The following MFSD6 variants were observed in gnomAD, a reference collection of about 807,000 sequenced individuals.
MFSD6 encodes major facilitator superfamily domain containing 6.
In MFSD6, 26 loss-of-function variants were observed where a neutral mutation model predicts 56.3. That is an observed-to-expected ratio of 0.46 (90% CI 0.34 to 0.64). The LOEUF (loss-of-function observed/expected upper bound fraction) is 0.64, where lower values mean the gene tolerates loss of function less well. Among genes scored for constraint, MFSD6 ranks in the 30% least tolerant of loss-of-function variants. The pLI is 0.01. For synonymous variants in MFSD6, 331 were observed against 366.9 expected, an observed-to-expected ratio of 0.90 and a Z score of 1.12; for missense variants, 750 against 986.2, an observed-to-expected ratio of 0.76 and a Z score of 3.21.
chr2:190,494,354 T>TA lies in MFSD6; in HGVS notation c.1892-3078dup, dbSNP rs986235838. 6.6e-6 allele frequency among the ~76,000 whole-genome samples: 1 copy of TA among 151,810 alleles called. No homozygotes were observed. Among genetic ancestry groups the TA allele is most frequent in the South Asian group, 2.1e-4 (1 of 4,814 alleles). ...CTAAGTAGTGAGACTGAATCAGTAA[T>TA]AAAAAAATTGCCAACAAAAAAAAGT... On this transcript the variant is annotated intron_variant, in intron 6 of 7. Coordinates refer to ENST00000392328, the MANE Select transcript of MFSD6 (RefSeq NM_017694.4). This position sits in a 1 kb window ranked among gnomAD's most constrained non-coding sequence, Gnocchi z 5.7.
At chr2:190,414,581 C>A (rs569914602) in intron 1 of MFSD6, among the ~76,000 whole-genome samples, 4 of 152,284 alleles carry the variant, frequency 2.6e-5, no homozygotes, top group Admixed American at 2.6e-4. Flanking sequence ...CAGTCCCTTT[C>A]AATTCCGTAT....
chr2:190,465,069 T>G lies in MFSD6; in HGVS notation c.1533-4689T>G, dbSNP rs1240790103. 1 of 245,456 alleles carries G rather than the reference T, an allele frequency of 4.1e-6. No homozygotes were observed. Among genetic ancestry groups the G allele is most frequent in the Non-Finnish European group, 6.5e-6 (1 of 153,048 alleles). The allele number at this position is 245,456 out of a possible 1,614,324, so 15.2% of individuals were successfully genotyped here. Reference sequence around the variant, plus strand: ...AAAAAATACCAGTTTTATTATAAGATAACCACAAATCAGCTTAAACTGCTA... The same window carrying G: ...AAAAAATACCAGTTTTATTATAAGAGAACCACAAATCAGCTTAAACTGCTA... On this transcript the variant is annotated intron_variant, in intron 3 of 7. Transcript: ENST00000392328. The surrounding 1 kb of genome is among the most constrained non-coding windows in gnomAD (Gnocchi z 4.6).
At chr2:190,455,452 G>A (rs62181016) in intron 3 of MFSD6, among the ~76,000 whole-genome samples, 15,018 of 152,158 alleles carry the variant, frequency 0.099, 1,039 homozygotes, top group Non-Finnish European at 0.16. Flanking sequence ...AGGCTCTGCT[G>A]GCCATGGGAA....
In MFSD6 at chr2:190,437,104, GGGT is replaced by G. The variant is rs1180037799; in HGVS notation, c.1077_1079del (p.Cys360del). On this transcript the variant is annotated inframe_deletion, in exon 3 of 8. Coordinates refer to ENST00000392328, the MANE Select transcript of MFSD6 (RefSeq NM_017694.4). This position sits in a 1 kb window ranked among gnomAD's most constrained non-coding sequence, Gnocchi z 5.9. ...CATCGAAGTGCTCATCGATGGAAAGGGGTGTAAGCCCCCCGAGTACAGGAATTA... is the reference window on the plus strand; with the variant it reads ...CATCGAAGTGCTCATCGATGGAAAGGGTAAGCCCCCCGAGTACAGGAATTA... 6.2e-7 allele frequency: 1 copy of G among 1,614,118 alleles called. No homozygotes were observed. The highest frequency in any genetic ancestry group is 8.5e-7 in the Non-Finnish European group (1 of 1,180,060).
In MFSD6 at chr2:190,497,363, TA is replaced by T. The variant is rs1313927520; in HGVS notation, c.1892-75del. 1 of 1,505,676 alleles carries T rather than the reference TA, an allele frequency of 6.6e-7. No individual in the cohort carries two copies. The highest frequency in any genetic ancestry group is 1.4e-5 in the African/African-American group (1 of 71,826). The allele number at this position is 1,505,676 out of a possible 1,614,324, so 93.3% of individuals were successfully genotyped here. Reference sequence around the variant, plus strand: ...GAATGGGTATATGGGATTCTTGGTTTATTTATTTATTTTTACCTTTGTTCAA... The same window carrying T: ...GAATGGGTATATGGGATTCTTGGTTTTTTATTTATTTTTACCTTTGTTCAA... On this transcript the variant is annotated intron_variant, in intron 6 of 7. Transcript: ENST00000392328. This position sits in a 1 kb window ranked among gnomAD's most constrained non-coding sequence, Gnocchi z 5.2.
At chr2:190,484,354 A>C (rs1037689604) in intron 4 of MFSD6, among the ~76,000 whole-genome samples, 8 of 152,236 alleles carry the variant, frequency 5.3e-5, no homozygotes, top group Admixed American at 2.0e-4. Context: ...TTATTTCATC[A>C]CATAAAGAAT....
In MFSD6 at chr2:190,431,486, C is replaced by G. The variant is rs183026591; in HGVS notation, c.-53-4491C>G. Among the ~76,000 whole-genome samples, 1 of 152,212 alleles carries G rather than the reference C, an allele frequency of 6.6e-6. No homozygotes were observed. Among genetic ancestry groups the G allele is most frequent in the Non-Finnish European group, 1.5e-5 (1 of 68,026 alleles). On this transcript the variant is annotated intron_variant, in intron 2 of 7. Coordinates refer to ENST00000392328, the MANE Select transcript of MFSD6 (RefSeq NM_017694.4). This position sits in a 1 kb window ranked among gnomAD's most constrained non-coding sequence, Gnocchi z 4.4. The stretch of plus-strand genomic sequence containing the variant: ...TGGAGGCCGAGGCTGGCGGATCACT[C>G]GCGATTAGGAGCTGGAGACTAGCCC...
intron 2 of MFSD6, among the ~76,000 whole-genome samples, chr2:190,420,983 A>G (rs1320733420): frequency 1.3e-5 from 2 of 152,218 alleles, no homozygotes; most frequent in African/African-American, 4.8e-5. Context: ...TGATACTGTG[A>G]GAACTACTTA....
chr2:190,455,309 GT>G (rs1165840398), intron 3 of MFSD6, among the ~76,000 whole-genome samples: 2 of 151,986 alleles, frequency 1.3e-5, no homozygotes, highest in Non-Finnish European at 2.9e-5. Context: ...GAAATCTAAC[GT>G]TTTAAGTATA....
At chr2:190,453,720 A>C (rs1686868724) in intron 3 of MFSD6, among the ~76,000 whole-genome samples, 1 of 152,156 alleles carries the variant, frequency 6.6e-6, no homozygotes, top group South Asian at 2.1e-4. Flanking sequence ...TAGACCCTCC[A>C]TTTTCCCTTT....
Position 190,417,863 on chromosome 2 carries a change from G to A in MFSD6, c.-54+2450G>A, listed in dbSNP as rs1329683595. The stretch of plus-strand genomic sequence containing the variant: ...TATGGACACCCTACTTGGAACTCCA[G>A]AAGCATGCCTATTGTCCCTAATATC... On this transcript the variant is annotated intron_variant, in intron 2 of 7. Transcript: ENST00000392328. The surrounding 1 kb of genome is among the most constrained non-coding windows in gnomAD (Gnocchi z 5.7). Among the ~76,000 whole-genome samples the A allele has an allele frequency of 1.3e-5, 2 of 152,050 alleles. No homozygotes were observed. Among genetic ancestry groups the A allele is most frequent in the Non-Finnish European group, 2.9e-5 (2 of 68,030 alleles).
At chr2:190,449,892 T>A (rs1054153041) in intron 3 of MFSD6, among the ~76,000 whole-genome samples, 70 of 152,084 alleles carry the variant, frequency 4.6e-4, no homozygotes, top group African/African-American at 5.1e-4. Flanking sequence ...GAGGAATAGC[T>A]TTAGGAGATA....
At position 190,463,857 on chromosome 2, in the gene MFSD6, G is replaced by C; in HGVS notation, c.1533-5901G>C. The stretch of plus-strand genomic sequence containing the variant: ...ATAAATAAAATAAAAATAAAAAGCT[G>C]AGAATGATGGAGCCCAATCTAAGGG... On this transcript the variant is annotated intron_variant, in intron 3 of 7. Transcript: ENST00000392328. The surrounding 1 kb of genome is among the most constrained non-coding windows in gnomAD (Gnocchi z 4.4). 1.0e-6 allele frequency: 1 copy of C among 979,974 alleles called. No homozygotes were observed. Among genetic ancestry groups the C allele is most frequent in the Non-Finnish European group, 1.2e-6 (1 of 825,140 alleles). The allele number at this position is 979,974 out of a possible 1,614,324, so 60.7% of individuals were successfully genotyped here.
At position 190,471,859 on chromosome 2, in the gene MFSD6, A is replaced by C. The variant is rs913609568; in HGVS notation, c.1630+2004A>C. ...ACCCCCCAGTAGGGGCAGACTGATAACTCATACGGCCGGGTACCCCTCTGA... is the reference window on the plus strand; with the variant it reads ...ACCCCCCAGTAGGGGCAGACTGATACCTCATACGGCCGGGTACCCCTCTGA... On this transcript the variant is annotated intron_variant, in intron 4 of 7. Coordinates refer to ENST00000392328, the MANE Select transcript of MFSD6 (RefSeq NM_017694.4). This position sits in a 1 kb window ranked among gnomAD's most constrained non-coding sequence, Gnocchi z 4.7. Among the ~76,000 whole-genome samples, 2 of 152,134 alleles carry C rather than the reference A, an allele frequency of 1.3e-5. No individual in the cohort carries two copies. The highest frequency in any genetic ancestry group is 4.8e-5 in the African/African-American group (2 of 41,422).
chr2:190,434,581 G>A lies in MFSD6; in HGVS notation c.-53-1396G>A, dbSNP rs889474652. Among the ~76,000 whole-genome samples, 2 of 152,068 alleles carry A rather than the reference G, an allele frequency of 1.3e-5. No individual in the cohort carries two copies. The highest frequency in any genetic ancestry group is 1.3e-4 in the Admixed American group (2 of 15,270). On this transcript the variant is annotated intron_variant, in intron 2 of 7. Coordinates refer to ENST00000392328, the MANE Select transcript of MFSD6 (RefSeq NM_017694.4). This position sits in a 1 kb window ranked among gnomAD's most constrained non-coding sequence, Gnocchi z 4.3. ...TTCCCAAGTAGCTGGGACTACATGC[G>A]TGCCACCAGGCCCAGCTAATTCTTG...
At chr2:190,429,318 T>C (rs571865085) in intron 2 of MFSD6, among the ~76,000 whole-genome samples, 1 of 152,014 alleles carries the variant, frequency 6.6e-6, no homozygotes, top group South Asian at 2.1e-4. Context: ...TGGTAGCTTA[T>C]GAACAGAAAT....
At chr2:190,450,408 T>G (rs1278437275) in intron 3 of MFSD6, among the ~76,000 whole-genome samples, 3 of 152,140 alleles carry the variant, frequency 2.0e-5, no homozygotes, top group African/African-American at 7.2e-5. Flanking sequence ...AATTCTTACC[T>G]TTTTTTCTGC....
rs1686121855 is a variant in MFSD6 at position 190,434,765 on chromosome 2, C to T, written c.-53-1212C>T. On this transcript the variant is annotated intron_variant, in intron 2 of 7. Coordinates refer to ENST00000392328, the MANE Select transcript of MFSD6 (RefSeq NM_017694.4). The surrounding 1 kb of genome is among the most constrained non-coding windows in gnomAD (Gnocchi z 4.3). ...GTTTTTCAAAAAAGTTTACTGGCAT[C>T]TTATCTAAAATGTGTTATTTTTCAG... is the stretch of plus-strand genomic sequence containing the variant. Among the ~76,000 whole-genome samples the T allele has an allele frequency of 6.6e-6, 1 of 152,138 alleles. No individual in the cohort carries two copies. Among genetic ancestry groups the T allele is most frequent in the South Asian group, 2.1e-4 (1 of 4,832 alleles).
chr2:190,439,097 G>C lies in MFSD6; in HGVS notation c.1532+1536G>C, dbSNP rs1686280148. Among the ~76,000 whole-genome samples the C allele has an allele frequency of 6.6e-6, 1 of 151,912 alleles. No individual in the cohort carries two copies. The highest frequency in any genetic ancestry group is 2.4e-5 in the African/African-American group (1 of 41,344). ...AGGACTCGGAATGCCCTTTAATTTT[G>C]TCCACACCATGTTTAGATTATCTGA... On this transcript the variant is annotated intron_variant, in intron 3 of 7. Transcript: ENST00000392328. This position sits in a 1 kb window ranked among gnomAD's most constrained non-coding sequence, Gnocchi z 5.8.
Sources: allele counts gnomAD v4.1 joint callset (sites outside exome capture counted in the v4.1 genomes callset), GRCh38; gene constraint gnomAD v4.1.1; non-coding constraint Gnocchi (gnomAD v3.1); transcripts MANE v1.5; gene names NCBI Gene and HGNC (gene_info 2026-07-23, HGNC 2026-07-21).